Variants in PPP2R3B observed in about 807,000 individuals in gnomAD.
The protein encoded by PPP2R3B is protein phosphatase 2 regulatory subunit B''beta, also known as serine/threonine-protein phosphatase 2A regulatory subunit B'' subunit beta.
PPP2R3B carries 68 observed loss-of-function variants against 72.9 expected under a neutral mutation model. That is an observed-to-expected ratio of 0.93 (90% CI 0.77 to 1.14). The LOEUF (loss-of-function observed/expected upper bound fraction) is 1.14, where lower values mean the gene tolerates loss of function less well. PPP2R3B is among the 50% of genes most tolerant of loss of function. The probability of loss-of-function intolerance (pLI) is 0.00; values close to 1 mark genes in which losing one functional copy is unlikely to be tolerated. For missense variants in PPP2R3B, 1,018 were observed against 842.0 expected, an observed-to-expected ratio of 1.21 and a Z score of -2.59; for synonymous variants, 466 against 375.8, an observed-to-expected ratio of 1.24 and a Z score of -2.78.
chrX:386,813 G>A lies in PPP2R3B; in HGVS notation c.-122C>T. On this transcript the variant is annotated 5_prime_UTR_variant, in exon 1 of 13. Coordinates refer to ENST00000390665, the MANE Select transcript of PPP2R3B (RefSeq NM_013239.5). ...GGCCCGCTGAGGGGGCGCGGCGCAG[G>A]GAACAGGGCCCGCGCCTCGGGAACT... 2 of 487,712 alleles carry A rather than the reference G, an allele frequency of 4.1e-6. No homozygotes were observed. The highest frequency in any genetic ancestry group is 5.8e-6 in the Non-Finnish European group (2 of 344,084). 30.2% of individuals were successfully genotyped at this position (487,712 alleles called of 1,614,324 possible).
At chrX:353,072 G>A (rs1414060460) in intron 2 of PPP2R3B, among the ~76,000 whole-genome samples, 1 of 151,850 alleles carries the variant, frequency 6.6e-6, no homozygotes, top group African/African-American at 2.4e-5. Flanking sequence ...AGATCCGATG[G>A]TCTAAAAGTG....
intron 2 of PPP2R3B, among the ~76,000 whole-genome samples, chrX:351,670 G>C (rs36189567): frequency 1.2e-3 from 97 of 83,148 alleles, no homozygotes; most frequent in African/African-American, 1.9e-3. Context: ...CCAGGCTGGA[G>C]TGCAGTGTGT....
chrX:334,414 C>A lies in PPP2R3B; in HGVS notation c.1681G>T (p.Asp561Tyr). The change falls in exon 13 of 13, where the codon GAC becomes TAC. Residue 561 changes from aspartate (D) to tyrosine (Y), a missense_variant. Coordinates refer to ENST00000390665, the MANE Select transcript of PPP2R3B (RefSeq NM_013239.5). ...FEAPSPLGAV[D>Y]LYEYACGDED... is the part of the protein sequence containing the mutation. ...TCCCCGCATGCGTACTCGTACAGGT[C>A]CACGGCGCCCAGCGGTGAGGGCGCC... is the stretch of plus-strand genomic sequence containing the variant. The A allele has an allele frequency of 6.3e-7, 1 of 1,591,120 alleles. No homozygotes were observed. Among genetic ancestry groups the A allele is most frequent in the Non-Finnish European group, 8.5e-7 (1 of 1,174,566 alleles).
At chrX:344,015 A>AC (rs2071136057) in intron 7 of PPP2R3B, among the ~76,000 whole-genome samples, 1 of 137,952 alleles carries the variant, frequency 7.2e-6, no homozygotes, top group Non-Finnish European at 1.6e-5. Context: ...GACGTCGCCA[A>AC]GGAGAGGCGG....
chrX:386,611 G>T lies in PPP2R3B; in HGVS notation c.81C>A (p.Ser27Arg). ...ELFLYWLSEA[S>R]TQRMLQDCLR... ...GGCAGTCCTGCAGCATCCGCTGCGT[G>T]CTGGCCTCGCTGAGCCAGTACAGGA... The change falls in exon 1 of 13, where the codon AGC becomes AGA. Residue 27 changes from serine (S) to arginine (R), a missense_variant. Physicochemically the swap from Ser to Arg is moderately radical, Grantham distance 110 (BLOSUM62 -1). Coordinates refer to ENST00000390665, the MANE Select transcript of PPP2R3B (RefSeq NM_013239.5). 1 of 1,446,994 alleles carries T rather than the reference G, an allele frequency of 6.9e-7. No homozygotes were observed. The highest frequency in any genetic ancestry group is 1.3e-5 in the South Asian group (1 of 74,414). The allele number at this position is 1,446,994 out of a possible 1,614,324, so 89.6% of individuals were successfully genotyped here.
intron 1 of PPP2R3B, among the ~76,000 whole-genome samples, chrX:363,538 CGAGCCCGCGATCCCGCA>C (rs2071600596): frequency 6.6e-5 from 9 of 136,450 alleles, no homozygotes; most frequent in East Asian, 2.2e-4. Flanking sequence ...TGCATCTCCC[CGAGCCCGCGATCCCGCA>C]GTGCATCTCC....
intron 2 of PPP2R3B, among the ~76,000 whole-genome samples, chrX:353,540 A>G (rs1292034257): frequency 6.6e-6 from 1 of 152,218 alleles, no homozygotes; most frequent in Non-Finnish European, 1.5e-5. Context: ...ATGGCTCCAG[A>G]AAAGTGAATT....
chrX:375,202 G>A (rs950988087), intron 1 of PPP2R3B, among the ~76,000 whole-genome samples: 6 of 152,128 alleles, frequency 3.9e-5, no homozygotes, highest in Non-Finnish European at 7.3e-5. Flanking sequence ...TTCAGAAGTC[G>A]GCCTCTGACC....
intron 1 of PPP2R3B, among the ~76,000 whole-genome samples, chrX:363,391 C>T (rs2071590889): frequency 1.3e-5 from 2 of 151,094 alleles, no homozygotes; most frequent in Admixed American, 6.6e-5. Flanking sequence ...AGTGCATCTC[C>T]CCGAGCCCGC....
At chrX:347,377 G>A (rs746067856) in intron 3 of PPP2R3B, 41 bp from the exon 4 acceptor site, 3 of 1,590,186 alleles carry the variant, frequency 1.9e-6, no homozygotes, top group African/African-American at 1.3e-5. Flanking sequence ...TCACAGGGGG[G>A]TGGCTTTCGA....
At chrX:348,296 CT>C (rs2071265149) in intron 2 of PPP2R3B, among the ~76,000 whole-genome samples, 1 of 101,616 alleles carries the variant, frequency 9.8e-6, no homozygotes, top group Non-Finnish European at 2.2e-5. Flanking sequence ...CCCTGGCTGG[CT>C]GGGCGTGGTG....
chrX:356,205 G>GTTTTTTTGTTTTTT (rs1569397212), intron 2 of PPP2R3B, among the ~76,000 whole-genome samples: 1 of 151,848 alleles, frequency 6.6e-6, no homozygotes, highest in African/African-American at 2.4e-5. Flanking sequence ...CCCGGAAGCA[G>GTTTTTTTGTTTTTT]GGTTTTTTGT....
chrX:361,651 C>G (rs28713649), intron 1 of PPP2R3B, 61 bp from the exon 2 acceptor site: 21 of 1,587,198 alleles, frequency 1.3e-5, no homozygotes, highest in Admixed American at 3.4e-5. Flanking sequence ...CTTCTTCACC[C>G]GGACAACACA....
At chrX:341,795 A>C in intron 8 of PPP2R3B, 88 bp downstream of exon 8, 1 of 1,443,884 alleles carries the variant, frequency 6.9e-7, no homozygotes, top group Non-Finnish European at 9.7e-7. Context: ...GTCGGGGCAC[A>C]AAAAGCTCAC....
At position 368,088 on chromosome X, in the gene PPP2R3B, C is replaced by T. The variant is rs547354163; in HGVS notation, c.325-6498G>A. Among the ~76,000 whole-genome samples, 4 of 152,226 alleles carry T rather than the reference C, an allele frequency of 2.6e-5. No individual in the cohort carries two copies. The South Asian group carries it at 6.2e-4, about 24-fold the overall frequency. The stretch of plus-strand genomic sequence containing the variant: ...CACAAACTGAGCCCGCTAGGCAAGG[C>T]GGAGCCCACCCACCCCGGGCACAGA... On this transcript the variant is annotated intron_variant, in intron 1 of 12. Transcript: ENST00000390665.
intron 8 of PPP2R3B, 34 bp from the exon 9 acceptor site, chrX:341,430 G>A (rs761737857): frequency 3.7e-6 from 6 of 1,602,980 alleles, no homozygotes; most frequent in African/African-American, 2.7e-5. Flanking sequence ...AGACGAAGAT[G>A]CATGTCAGGG....
rs768661674 is a variant in PPP2R3B, at chrX:334,350, C to T, written c.*17G>A. 1.9e-5 allele frequency: 28 copies of T among 1,462,008 alleles called. No homozygotes were observed. Among genetic ancestry groups the T allele is most frequent in the East Asian group, 1.3e-4 (5 of 38,720 alleles). The allele number at this position is 1,462,008 out of a possible 1,614,324, so 90.6% of individuals were successfully genotyped here. ...CACGTGGGGAGCGGCCCCGCGGCGG[C>T]GTTCTCGCGGGCGGCGTCACAGCGG... On this transcript the variant is annotated 3_prime_UTR_variant, in exon 13 of 13. Coordinates refer to ENST00000390665, the MANE Select transcript of PPP2R3B (RefSeq NM_013239.5).
intron 9 of PPP2R3B, 144 bp from the exon 10 acceptor site, chrX:341,084 C>T: frequency 1.6e-6 from 2 of 1,261,200 alleles, no homozygotes; most frequent in Non-Finnish European, 2.2e-6. Flanking sequence ...TCCCCTGCCC[C>T]CTGCCGCCCC....
intron 1 of PPP2R3B, among the ~76,000 whole-genome samples, chrX:374,617 C>A (rs1569415260): frequency 6.6e-6 from 1 of 152,132 alleles, no homozygotes; most frequent in Non-Finnish European, 1.5e-5. Flanking sequence ...AGGATACCTT[C>A]GGGCTGAGGG....
Sources: gnomAD v4.1 joint callset for allele counts (sites outside exome capture counted in the v4.1 genomes callset) on GRCh38, gnomAD v4.1.1 for gene constraint, MANE v1.5 for transcripts, NCBI Gene and HGNC (gene_info 2026-07-23, HGNC 2026-07-21) for gene names.